Variants in PPARGC1A observed in about 807,000 individuals in gnomAD.
The protein encoded by PPARGC1A is PPARG coactivator 1 alpha.
A neutral mutation model predicts 88.7 loss-of-function variants in PPARGC1A; 25 were observed. That is an observed-to-expected ratio of 0.28 (90% CI 0.21 to 0.39). PPARGC1A has a LOEUF of 0.39. Ranked by LOEUF, PPARGC1A falls within the 10% of genes least tolerant of loss-of-function variation. The probability of loss-of-function intolerance (pLI) is 1.00; values close to 1 mark genes in which losing one functional copy is unlikely to be tolerated. For missense variants in PPARGC1A, 880 were observed against 968.7 expected, an observed-to-expected ratio of 0.91 and a Z score of 1.22; for synonymous variants, 363 against 355.6, an observed-to-expected ratio of 1.02 and a Z score of -0.24.
the PPARGC1A span, among the ~76,000 whole-genome samples, chr4:23,914,001 T>G: frequency 6.6e-6 from 1 of 152,246 alleles, no homozygotes; most frequent in East Asian, 1.9e-4. Flanking sequence ...TTTATATTAA[T>G]GTTATGTACT....
intron 2 of PPARGC1A, 108 bp downstream of exon 2, chr4:23,884,644 T>C (rs1716550576): frequency 1.1e-6 from 1 of 932,294 alleles, no homozygotes; most frequent in Admixed American, 3.0e-5. Flanking sequence ...GAAAAGTCTT[T>C]TGATGATAGC....
At chr4:24,105,519 C>G in the PPARGC1A span, among the ~76,000 whole-genome samples, 3 of 152,326 alleles carry the variant, frequency 2.0e-5, no homozygotes, top group Admixed American at 6.5e-5. Context: ...CCTGTTCACA[C>G]AGATCTTCTG....
At chr4:24,313,002 G>A in the PPARGC1A span, among the ~76,000 whole-genome samples, 1 of 152,170 alleles carries the variant, frequency 6.6e-6, no homozygotes, top group Admixed American at 6.5e-5. Context: ...ATCCATTCCA[G>A]TGTGAGGCTT....
the PPARGC1A span, among the ~76,000 whole-genome samples, chr4:24,320,686 A>G: frequency 6.6e-6 from 1 of 152,206 alleles, no homozygotes; most frequent in Non-Finnish European, 1.5e-5. Flanking sequence ...TCTCTCTTGC[A>G]AAAAGTTCAG....
intron 2 of PPARGC1A, among the ~76,000 whole-genome samples, chr4:23,870,993 C>A (rs1713220306): frequency 6.7e-6 from 1 of 149,094 alleles, no homozygotes; most frequent in African/African-American, 2.5e-5. Flanking sequence ...GTCACACAGT[C>A]CTATTGGAGG....
the PPARGC1A span, among the ~76,000 whole-genome samples, chr4:24,088,790 T>G: frequency 6.6e-6 from 1 of 152,348 alleles, no homozygotes; most frequent in Non-Finnish European, 1.5e-5. Flanking sequence ...TGCTTGTAAG[T>G]TATTATTCCA....
intron 2 of PPARGC1A, among the ~76,000 whole-genome samples, chr4:23,851,931 A>G (rs1280753124): frequency 1.3e-5 from 2 of 152,184 alleles, no homozygotes; most frequent in Non-Finnish European, 2.9e-5. Flanking sequence ...TGCAGATGCT[A>G]ATTCAGGAAG....
chr4:23,961,542 A>C, the PPARGC1A span, among the ~76,000 whole-genome samples: 1 of 152,298 alleles, frequency 6.6e-6, no homozygotes, highest in Admixed American at 6.5e-5. Context: ...CATTTCCCAG[A>C]GCAACCCATA....
chr4:24,429,031 T>C, the PPARGC1A span, among the ~76,000 whole-genome samples: 5 of 152,130 alleles, frequency 3.3e-5, no homozygotes, highest in Admixed American at 2.6e-4. Flanking sequence ...ATGTGAAATT[T>C]CTCTGCAAAT....
the PPARGC1A span, among the ~76,000 whole-genome samples, chr4:24,313,327 T>C: frequency 6.6e-6 from 1 of 152,260 alleles, no homozygotes; most frequent in African/African-American, 2.4e-5. Flanking sequence ...CAGCTCAGAT[T>C]GAGACATCAA....
At chr4:24,305,328 T>C in the PPARGC1A span, among the ~76,000 whole-genome samples, 1 of 151,568 alleles carries the variant, frequency 6.6e-6, no homozygotes, top group African/African-American at 2.4e-5. Context: ...ACTTTGAGAG[T>C]GAAACAGATC....
At chr4:24,042,837 T>C in the PPARGC1A span, among the ~76,000 whole-genome samples, 1 of 152,230 alleles carries the variant, frequency 6.6e-6, no homozygotes, top group Non-Finnish European at 1.5e-5. Flanking sequence ...AGATTCTTAA[T>C]TTTGAAGAAT....
chr4:24,225,498 C>A, the PPARGC1A span, among the ~76,000 whole-genome samples: 1 of 151,770 alleles, frequency 6.6e-6, no homozygotes, highest in African/African-American at 2.4e-5. Flanking sequence ...CCACTGCACT[C>A]CAGCCTGGGT....
the PPARGC1A span, among the ~76,000 whole-genome samples, chr4:24,393,013 G>GCACACACACACA: frequency 3.3e-3 from 489 of 146,088 alleles, 8 homozygotes; most frequent in African/African-American, 0.012. Context: ...TGCTCCATCA[G>GCACACACACACA]CACACACACA....
the PPARGC1A span, among the ~76,000 whole-genome samples, chr4:24,044,509 A>G: frequency 5.9e-5 from 9 of 152,052 alleles, no homozygotes; most frequent in East Asian, 1.7e-3. Flanking sequence ...TGAGGAAAGA[A>G]TGCATGCTTC....
the PPARGC1A span, among the ~76,000 whole-genome samples, chr4:24,164,876 G>A: frequency 1.3e-5 from 2 of 152,078 alleles, no homozygotes; most frequent in South Asian, 2.1e-4. Flanking sequence ...ATTGAGATGG[G>A]GGTAAGGAGG....
chr4:23,993,603 G>T, the PPARGC1A span, among the ~76,000 whole-genome samples: 1 of 152,118 alleles, frequency 6.6e-6, no homozygotes, highest in Non-Finnish European at 1.5e-5. Flanking sequence ...CCATTTTGCA[G>T]ATGTTGAAAC....
chr4:23,808,303 T>C (rs1306614112), intron 10 of PPARGC1A, among the ~76,000 whole-genome samples: 1 of 151,876 alleles, frequency 6.6e-6, no homozygotes, highest in Non-Finnish European at 1.5e-5. Context: ...TCATTTCATT[T>C]GGAAGAAGTT....
chr4:24,071,227 C>T, the PPARGC1A span, among the ~76,000 whole-genome samples: 1 of 152,084 alleles, frequency 6.6e-6, no homozygotes, highest in Admixed American at 6.6e-5. Context: ...TGCACAAACA[C>T]ACCCTAAATT....
Sources: allele counts gnomAD v4.1 joint callset (sites outside exome capture counted in the v4.1 genomes callset), GRCh38; gene constraint gnomAD v4.1.1; transcripts MANE v1.5; gene names NCBI Gene and HGNC (gene_info 2026-07-23, HGNC 2026-07-21).